The following WIPF3 variants were observed in gnomAD, a reference collection of about 807,000 sequenced individuals.
WIPF3 encodes the protein WAS/WASL interacting protein family member 3.
WIPF3 carries 33 observed loss-of-function variants against 38.9 expected under a neutral mutation model. The observed-to-expected ratio is 0.85, with a 90% CI of 0.64 to 1.14. WIPF3 has a LOEUF of 1.14. Among genes scored for constraint, WIPF3 ranks in the 50% most tolerant of loss-of-function variants. The probability of loss-of-function intolerance (pLI) is 0.00; values close to 1 mark genes in which losing one functional copy is unlikely to be tolerated. For synonymous variants in WIPF3, 324 were observed against 269.3 expected (o/e 1.20, Z -1.99); for missense variants, 711 against 652.5 (o/e 1.09, Z -0.98).
At chr7:29,863,759 T>C (rs966875784) in intron 2 of WIPF3, among the ~76,000 whole-genome samples, 2 of 152,252 alleles carry the variant, frequency 1.3e-5, no homozygotes, top group African/African-American at 4.8e-5. Flanking sequence ...ATTTTTTGAT[T>C]TTAAGAATCC....
At chr7:29,842,353 C>T (rs575053763) in intron 2 of WIPF3, among the ~76,000 whole-genome samples, 15 of 152,180 alleles carry the variant, frequency 9.9e-5, no homozygotes, top group Admixed American at 3.9e-4. Context: ...TGAAAAGCAA[C>T]GCTCTAAGTA....
chr7:29,833,101 G>T (rs551103402), intron 1 of WIPF3, among the ~76,000 whole-genome samples: 1 of 152,356 alleles, frequency 6.6e-6, no homozygotes, highest in East Asian at 1.9e-4. Context: ...CATATATGAG[G>T]TACCTAGACT....
chr7:29,907,587 G>C (rs920838912), intron 8 of WIPF3, among the ~76,000 whole-genome samples: 3 of 152,158 alleles, frequency 2.0e-5, no homozygotes, highest in Non-Finnish European at 4.4e-5. Context: ...CATGAGGGCA[G>C]AGCCCTCATG....
rs559287988 is a variant in WIPF3, at chr7:29,914,853, G to T, written c.*337G>T. On this transcript the variant is annotated 3_prime_UTR_variant, in exon 9 of 9. Coordinates refer to ENST00000242140, the MANE Select transcript of WIPF3 (RefSeq NM_001080529.3). ...CTTCCTAGATTCTGAACCGTTTGTA[G>T]AGAGTCCTTAGTTTGCAGGTAGCCC... 7 of 187,262 alleles carry T rather than the reference G, an allele frequency of 3.7e-5. No individual in the cohort carries two copies. The East Asian group carries it at 7.5e-4, about 20-fold the overall frequency. The allele number at this position is 187,262 out of a possible 1,614,324, so 11.6% of individuals were successfully genotyped here. A position where few individuals can be genotyped will look rare whatever the true frequency, so the allele number is the denominator to read the frequency against.
intron 7 of WIPF3, among the ~76,000 whole-genome samples, chr7:29,900,957 C>T (rs369672884): frequency 1.5e-3 from 223 of 152,266 alleles, no homozygotes; most frequent in African/African-American, 5.0e-3. Context: ...CCCTGGCTCA[C>T]AGGAATTGCA....
intron 7 of WIPF3, among the ~76,000 whole-genome samples, chr7:29,891,406 G>A (rs1456090530): frequency 6.6e-6 from 1 of 152,208 alleles, no homozygotes; most frequent in African/African-American, 2.4e-5. Context: ...TCATCTCTGG[G>A]TCCGCTGGGA....
chr7:29,889,378 A>G lies in WIPF3; in HGVS notation c.1322A>G (p.Gln441Arg). The G allele has an allele frequency of 1.2e-6, 2 of 1,613,986 alleles. No homozygotes were observed. Among genetic ancestry groups the G allele is most frequent in the Non-Finnish European group, 1.7e-6 (2 of 1,179,882 alleles). Residue 441 changes from glutamine to arginine, a missense_variant, in exon 7 of 9, where the codon CAG (glutamine) becomes CGG (arginine). Gln to Arg is a conservative substitution (Grantham distance 43, BLOSUM62 1). Transcript: ENST00000242140. ...FPPPDEYKPCQKIYPSKIPRS... is the reference protein window; with the variant it reads ...FPPPDEYKPCRKIYPSKIPRS... ...CCTCCGGATGAATATAAACCATGCC[A>G]GAAGATTTACCCCAGCAAGATCCCC...
At chr7:29,902,265 C>CTTT (rs141174377) in intron 7 of WIPF3, among the ~76,000 whole-genome samples, 15 of 116,444 alleles carry the variant, frequency 1.3e-4, no homozygotes, top group East Asian at 6.1e-4. Context: ...TTTTCTTCTT[C>CTTT]TTCTTCTTCT....
chr7:29,883,814 A>G (rs1562785349), intron 4 of WIPF3, 36 bp from the exon 5 acceptor site: 5 of 1,509,738 alleles, frequency 3.3e-6, no homozygotes, highest in Non-Finnish European at 4.4e-6. Context: ...CTCCTTCTTT[A>G]TTGCCGAGCT....
intron 2 of WIPF3, among the ~76,000 whole-genome samples, chr7:29,865,728 G>T (rs1785374296): frequency 2.0e-5 from 3 of 152,348 alleles, no homozygotes; most frequent in Admixed American, 6.5e-5. Context: ...AATTCCATTA[G>T]ATCCAGCAAT....
In WIPF3 at chr7:29,884,316, G is replaced by A. The variant is rs1408932486; in HGVS notation, c.822G>A (p.Gly274=). 2 of 1,529,932 alleles carry A rather than the reference G, an allele frequency of 1.3e-6. No individual in the cohort carries two copies. Among genetic ancestry groups the A allele is most frequent in the Admixed American group, 2.0e-5 (1 of 49,172 alleles). 94.8% of individuals were successfully genotyped at this position (1,529,932 alleles called of 1,614,324 possible). A position where few individuals can be genotyped will look rare whatever the true frequency, so the allele number is the denominator to read the frequency against. Residue 274 remains glycine (G), a synonymous_variant, in exon 5 of 9, where the codon GGG becomes GGA. Coordinates refer to ENST00000242140, the MANE Select transcript of WIPF3 (RefSeq NM_001080529.3). ...LPLLPPCGYP[G]LKAEPASPAQ... ...TGCTCCCACCTTGTGGGTATCCGGG[G>A]CTCAAAGCGGAGCCCGCCAGCCCTG...
At position 29,889,420 on chromosome 7, in the gene WIPF3, T is replaced by C. The variant is rs1052575347; in HGVS notation, c.1351+13T>C. 3 of 1,602,798 alleles carry C rather than the reference T, an allele frequency of 1.9e-6. No homozygotes were observed. The African/African-American group carries it at 4.0e-5, about 21-fold the overall frequency. On this transcript the variant is annotated intron_variant, in intron 7 of 8. Transcript: ENST00000242140. ...AAGATCCCCAGAAGTAAGTACCACC[T>C]TGATAAGACTCCTGGCATCTCCCGA...
chr7:29,842,537 C>T (rs1784929179), intron 2 of WIPF3, among the ~76,000 whole-genome samples: 1 of 152,164 alleles, frequency 6.6e-6, no homozygotes, highest in South Asian at 2.1e-4. Context: ...GATTTTTCTC[C>T]TTGTAGTCTA....
intron 2 of WIPF3, among the ~76,000 whole-genome samples, chr7:29,857,529 A>G (rs1361736238): frequency 6.6e-6 from 1 of 151,968 alleles, no homozygotes; most frequent in Admixed American, 6.6e-5. Flanking sequence ...AAAATAAACC[A>G]GAAAGCTCAG....
chr7:29,914,053 C>T (rs1403435836), intron 8 of WIPF3, among the ~76,000 whole-genome samples: 2 of 152,216 alleles, frequency 1.3e-5, no homozygotes, highest in Non-Finnish European at 2.9e-5. Context: ...GGGTTCTAGA[C>T]ATTGCAAACA....
chr7:29,820,484 C>G (rs915247677), intron 1 of WIPF3, among the ~76,000 whole-genome samples: 1 of 151,964 alleles, frequency 6.6e-6, no homozygotes, highest in African/African-American at 2.4e-5. Context: ...TTTACATGAT[C>G]TGTTTTTTTC....
intron 2 of WIPF3, among the ~76,000 whole-genome samples, chr7:29,847,388 A>G (rs2128067929): frequency 1.3e-5 from 2 of 152,322 alleles, no homozygotes; most frequent in Admixed American, 6.5e-5. Flanking sequence ...AGCTTCTCCT[A>G]TGCCCTCTGA....
At chr7:29,891,886 G>A (rs1276971220) in intron 7 of WIPF3, among the ~76,000 whole-genome samples, 2 of 152,188 alleles carry the variant, frequency 1.3e-5, no homozygotes, top group African/African-American at 4.8e-5. Context: ...AGGCATCCAG[G>A]CTGAGGACAG....
At chr7:29,818,131 T>C (rs1784483693) in intron 1 of WIPF3, among the ~76,000 whole-genome samples, 1 of 152,334 alleles carries the variant, frequency 6.6e-6, no homozygotes, top group African/African-American at 2.4e-5. Context: ...TTGGAAGAGC[T>C]ACCTTTTTAA....
Sources: gnomAD v4.1 joint callset for allele counts (sites outside exome capture counted in the v4.1 genomes callset) on GRCh38, gnomAD v4.1.1 for gene constraint, MANE v1.5 for transcripts, NCBI Gene and HGNC (gene_info 2026-07-23, HGNC 2026-07-21) for gene names.